CNOT6: variants seen among roughly 807,000 people sequenced by gnomAD.
The protein encoded by CNOT6 is CCR4-NOT transcription complex subunit 6.
A neutral mutation model predicts 61.2 loss-of-function variants in CNOT6; 12 were observed. The observed-to-expected ratio is 0.20, with a 90% CI of 0.13 to 0.32. The LOEUF (loss-of-function observed/expected upper bound fraction) is 0.32. CNOT6 is among the 10% of genes least tolerant of loss of function. The probability of loss-of-function intolerance (pLI) is 1.00; values close to 1 mark genes in which losing one functional copy is unlikely to be tolerated. For missense variants in CNOT6, 405 were observed against 663.9 expected, an observed-to-expected ratio of 0.61 and a Z score of 4.28; for synonymous variants, 225 against 240.6, an observed-to-expected ratio of 0.94 and a Z score of 0.60.
chr5:180,519,657 G>C (rs1757794923), intron 1 of CNOT6, among the ~76,000 whole-genome samples: 1 of 151,974 alleles, frequency 6.6e-6, no homozygotes, highest in Non-Finnish European at 1.5e-5. Context: ...CACTATAGGG[G>C]CAAAATGTTC....
intron 1 of CNOT6, among the ~76,000 whole-genome samples, chr5:180,509,983 G>C (rs568607325): frequency 6.6e-6 from 1 of 151,864 alleles, no homozygotes; most frequent in Non-Finnish European, 1.5e-5. Flanking sequence ...GTGTAGTTAT[G>C]ATTTAAGTTT....
intron 4 of CNOT6, 51 bp downstream of exon 4, chr5:180,553,522 T>C: frequency 2.1e-6 from 3 of 1,402,032 alleles, no homozygotes; most frequent in Non-Finnish European, 3.0e-6. Context: ...TGTCTTTGAA[T>C]CTAAAGAAGC....
At chr5:180,528,614 C>T (rs1250475549) in intron 1 of CNOT6, among the ~76,000 whole-genome samples, 2 of 152,108 alleles carry the variant, frequency 1.3e-5, no homozygotes, top group Admixed American at 6.6e-5. Context: ...CATGCCTGGC[C>T]GATTCTTTTA....
rs552217758 is a variant in CNOT6, at chr5:180,525,349, C to T, written c.-2-3926C>T. ...CCCAGGAGTTTGAGACCAGCTTGGG[C>T]AACATGGCGAAAACCAATCTCTACA... On this transcript the variant is annotated intron_variant, in intron 1 of 11. Coordinates refer to ENST00000261951, the MANE Select transcript of CNOT6 (RefSeq NM_001370472.1). Among the ~76,000 whole-genome samples, 6 of 152,108 alleles carry T rather than the reference C, an allele frequency of 3.9e-5. No homozygotes were observed. In the South Asian group the frequency reaches 1.2e-3, roughly 32 times the overall value.
At position 180,553,281 on chromosome 5, in the gene CNOT6, A is replaced by G; in HGVS notation, c.300-105A>G. The G allele has an allele frequency of 5.6e-6, 4 of 716,256 alleles. No homozygotes were observed. The East Asian group carries it at 1.1e-4, about 19-fold the overall frequency. 44.4% of individuals were successfully genotyped at this position (716,256 alleles called of 1,614,324 possible). ...ACTAGACATTGAAATATAACGTAAC[A>G]TTTTTTCATTCTTAGGTGCTTATGT... On this transcript the variant is annotated intron_variant, in intron 3 of 11. Transcript: ENST00000261951.
intron 4 of CNOT6, among the ~76,000 whole-genome samples, chr5:180,556,221 C>T (rs11750506): frequency 0.45 from 67,961 of 151,916 alleles, 16,067 homozygotes; most frequent in Non-Finnish European, 0.54. Context: ...AAAAGTCAAA[C>T]TCATAGAAGT....
chr5:180,572,642 C>G (rs1462961259), intron 11 of CNOT6, among the ~76,000 whole-genome samples: 2 of 152,148 alleles, frequency 1.3e-5, no homozygotes, highest in Admixed American at 1.3e-4. Context: ...CTCAAACTCT[C>G]GGGCTCAGGC....
In CNOT6 at chr5:180,574,484, A is replaced by C. The variant is rs1338758487; in HGVS notation, c.*284A>C. On this transcript the variant is annotated 3_prime_UTR_variant, in exon 12 of 12. Coordinates refer to ENST00000261951, the MANE Select transcript of CNOT6 (RefSeq NM_001370472.1). Reference sequence around the variant, plus strand: ...TTCTTCTACCCAATAGAATATTTTCATGCCTGGAAATAGGAAAATGTGTGA... The same window carrying C: ...TTCTTCTACCCAATAGAATATTTTCCTGCCTGGAAATAGGAAAATGTGTGA... 6 of 450,654 alleles carry C rather than the reference A, an allele frequency of 1.3e-5. No individual in the cohort carries two copies. The highest frequency in any genetic ancestry group is 2.4e-5 in the Non-Finnish European group (6 of 247,008). The allele number at this position is 450,654 out of a possible 1,614,324, so 27.9% of individuals were successfully genotyped here. A position where few individuals can be genotyped will look rare whatever the true frequency, so the allele number is the denominator to read the frequency against.
At chr5:180,516,011 A>C (rs1290709584) in intron 1 of CNOT6, among the ~76,000 whole-genome samples, 2 of 152,040 alleles carry the variant, frequency 1.3e-5, no homozygotes, top group African/African-American at 4.8e-5. Context: ...CCTGGTCTCA[A>C]GCCATTCTCC....
chr5:180,560,147 A>G lies in CNOT6; in HGVS notation c.386-4342A>G, dbSNP rs185229147. Among the ~76,000 whole-genome samples the G allele has an allele frequency of 3.7e-3, 559 of 152,130 alleles. 17 individuals are homozygous for G. Among genetic ancestry groups the G allele is most frequent in the Admixed American group, 0.033 (511 of 15,272 alleles). Reference sequence around the variant, plus strand: ...ATTTTAATAGAGACGAGGTTTCACCATGTTGGTCAGGCTGGTCTTGAACTC... The same window carrying G: ...ATTTTAATAGAGACGAGGTTTCACCGTGTTGGTCAGGCTGGTCTTGAACTC... On this transcript the variant is annotated intron_variant, in intron 4 of 11. Coordinates refer to ENST00000261951, the MANE Select transcript of CNOT6 (RefSeq NM_001370472.1).
chr5:180,559,805 A>G (rs190586484), intron 4 of CNOT6, among the ~76,000 whole-genome samples: 1 of 152,208 alleles, frequency 6.6e-6, no homozygotes, highest in African/African-American at 2.4e-5. Context: ...CTAGATGTAT[A>G]ACTTACCACA....
intron 1 of CNOT6, among the ~76,000 whole-genome samples, chr5:180,519,987 C>G (rs1438129573): frequency 1.3e-5 from 2 of 152,042 alleles, no homozygotes; most frequent in Non-Finnish European, 2.9e-5. Context: ...GCATGTGCCA[C>G]CACATCCAGC....
In CNOT6 at chr5:180,515,506, CA is replaced by C. The variant is rs533971230; in HGVS notation, c.-2-13768del. Among the ~76,000 whole-genome samples the C allele has an allele frequency of 2.2e-4, 34 of 152,254 alleles. No individual in the cohort carries two copies. The East Asian group carries it at 6.4e-3, about 29-fold the overall frequency. On this transcript the variant is annotated intron_variant, in intron 1 of 11. Coordinates refer to ENST00000261951, the MANE Select transcript of CNOT6 (RefSeq NM_001370472.1). ...CTTTGAGGTTTGGACTTTAGGCAGG[CA>C]GGCAGGGCCATCTAAAGTTTTAATA...
intron 10 of CNOT6, among the ~76,000 whole-genome samples, chr5:180,571,017 G>A (rs1760722566): frequency 2.0e-5 from 3 of 152,156 alleles, no homozygotes; most frequent in Admixed American, 2.0e-4. Context: ...ACGATAATTG[G>A]GAAGACACAT....
At chr5:180,563,437 T>G (rs1760293159) in intron 4 of CNOT6, among the ~76,000 whole-genome samples, 1 of 151,780 alleles carries the variant, frequency 6.6e-6, no homozygotes, top group African/African-American at 2.4e-5. Flanking sequence ...AGAGACGAGG[T>G]TTCACCGTGT....
chr5:180,529,347 C>A lies in CNOT6; in HGVS notation c.71C>A (p.Ala24Glu). ...ACAATTATGTCTTCTGAGGAAGCAGCAAATGGAAAGAAATCCCACTGGGCA... is the reference window on the plus strand; with the variant it reads ...ACAATTATGTCTTCTGAGGAAGCAGAAAATGGAAAGAAATCCCACTGGGCA... ...MYTIMSSEEA[A>E]NGKKSHWAEL... Residue 24 changes from alanine to glutamate, a missense_variant, in exon 2 of 12, where the codon GCA (alanine) becomes GAA (glutamate). This residue lies in a region of CNOT6 where 212 missense variants were observed against 307.1 expected (regional missense o/e 0.69). Transcript: ENST00000261951. 1 of 1,613,238 alleles carries A rather than the reference C, an allele frequency of 6.2e-7. No individual in the cohort carries two copies. Among genetic ancestry groups the A allele is most frequent in the South Asian group, 1.1e-5 (1 of 90,982 alleles).
At chr5:180,553,643 T>C (rs1337965770) in intron 4 of CNOT6, among the ~76,000 whole-genome samples, 172 bp downstream of exon 4, 1 of 152,168 alleles carries the variant, frequency 6.6e-6, no homozygotes, top group Non-Finnish European at 1.5e-5. Flanking sequence ...CTGTAGACTA[T>C]CTACTAGTCT....
intron 3 of CNOT6, among the ~76,000 whole-genome samples, chr5:180,552,729 C>T (rs375012745): frequency 2.3e-4 from 35 of 152,238 alleles, no homozygotes; most frequent in Admixed American, 1.0e-3. Context: ...GTTCTTTCCC[C>T]GCGTGTCCCC....
At chr5:180,539,444 C>T (rs1758902592) in intron 2 of CNOT6, among the ~76,000 whole-genome samples, 1 of 150,110 alleles carries the variant, frequency 6.7e-6, no homozygotes, top group Non-Finnish European at 1.5e-5. Context: ...TCTTTCACCT[C>T]ATTTTGAAAT....
Sources: gnomAD v4.1 joint callset for allele counts (sites outside exome capture counted in the v4.1 genomes callset) on GRCh38, gnomAD v4.1.1 for gene constraint, gnomAD v4.1.1 regional missense constraint, MANE v1.5 for transcripts, NCBI Gene and HGNC (gene_info 2026-07-23, HGNC 2026-07-21) for gene names.